B3GALT1: variants seen among roughly 807,000 people sequenced by gnomAD.
B3GALT1 encodes beta-1,3-galactosyltransferase 1, also known as UDP-Gal:betaGlcNAc beta 1,3-galactosyltransferase, polypeptide 1.
A neutral mutation model predicts 23.2 loss-of-function variants in B3GALT1; 10 were observed. The ratio of observed to expected loss-of-function variants is 0.43; its 90% CI spans 0.27 to 0.73. The LOEUF (loss-of-function observed/expected upper bound fraction) is 0.73. Ranked by LOEUF, B3GALT1 falls within the 30% of genes least tolerant of loss-of-function variation. The probability of loss-of-function intolerance (pLI) is 0.21; values close to 1 mark genes in which losing one functional copy is unlikely to be tolerated. For synonymous variants in B3GALT1, 156 were observed against 141.5 expected (o/e 1.10, Z -0.73); for missense variants, 299 against 405.4 (o/e 0.74, Z 2.25).
At chr2:167,557,148 T>C (rs1438957641) in intron 2 of B3GALT1, among the ~76,000 whole-genome samples, 1 of 152,210 alleles carries the variant, frequency 6.6e-6, no homozygotes, top group Admixed American at 6.5e-5. Flanking sequence ...TTAGTCTTTT[T>C]TTTTTTAATT....
intron 2 of B3GALT1, among the ~76,000 whole-genome samples, chr2:167,533,042 G>T (rs1439099173): frequency 6.6e-6 from 1 of 150,740 alleles, no homozygotes; most frequent in Non-Finnish European, 1.5e-5. Flanking sequence ...TGTATTTTTA[G>T]TAGAGACGGG....
intron 3 of B3GALT1, among the ~76,000 whole-genome samples, chr2:167,764,774 A>G (rs143098104): frequency 1.8e-4 from 27 of 152,326 alleles, no homozygotes; most frequent in Middle Eastern, 3.4e-3. Context: ...CTTCGGCCAC[A>G]GAACTATTAG....
At chr2:167,440,754 C>G (rs1419758345) in intron 1 of B3GALT1, among the ~76,000 whole-genome samples, 1 of 151,934 alleles carries the variant, frequency 6.6e-6, no homozygotes, top group Non-Finnish European at 1.5e-5. Context: ...TATTTGATCT[C>G]TAAAATTGAC....
chr2:167,343,303 A>G (rs1373247013), intron 1 of B3GALT1, among the ~76,000 whole-genome samples: 1 of 152,212 alleles, frequency 6.6e-6, no homozygotes, highest in Admixed American at 6.5e-5. Flanking sequence ...AATTTTAGGA[A>G]GATGTTTATT....
chr2:167,841,138 C>T (rs1401064496), intron 4 of B3GALT1, among the ~76,000 whole-genome samples: 1 of 149,980 alleles, frequency 6.7e-6, no homozygotes, highest in African/African-American at 2.5e-5. Context: ...AACTAACCTG[C>T]ACATTGTGCA....
chr2:167,472,779 A>G (rs965240661), intron 1 of B3GALT1, among the ~76,000 whole-genome samples: 1 of 152,070 alleles, frequency 6.6e-6, no homozygotes, highest in Non-Finnish European at 1.5e-5. Context: ...ATTTGGCAGT[A>G]TCTAAGGAGC....
At chr2:167,640,705 A>G (rs1353341706) in intron 2 of B3GALT1, among the ~76,000 whole-genome samples, 1 of 152,144 alleles carries the variant, frequency 6.6e-6, no homozygotes, top group East Asian at 1.9e-4. Context: ...ACTCTAAAAA[A>G]TGAGGCATAT....
At chr2:167,423,637 C>T (rs1264209450) in intron 1 of B3GALT1, among the ~76,000 whole-genome samples, 1 of 152,118 alleles carries the variant, frequency 6.6e-6, no homozygotes, top group Non-Finnish European at 1.5e-5. Flanking sequence ...TTGTTCTTTG[C>T]AGCAATTAGT....
At chr2:167,519,811 C>T (rs944290491) in intron 2 of B3GALT1, among the ~76,000 whole-genome samples, 1 of 152,106 alleles carries the variant, frequency 6.6e-6, no homozygotes, top group Admixed American at 6.6e-5. Flanking sequence ...GTGGCTCACA[C>T]CTGTAATCCC....
At chr2:167,405,234 C>T (rs578074264) in intron 1 of B3GALT1, among the ~76,000 whole-genome samples, 61 of 152,118 alleles carry the variant, frequency 4.0e-4, no homozygotes, top group African/African-American at 1.3e-3. Flanking sequence ...AAGTAGCTGT[C>T]AATCACATCA....
intron 1 of B3GALT1, among the ~76,000 whole-genome samples, chr2:167,489,541 C>T (rs768729520): frequency 2.6e-5 from 4 of 152,098 alleles, no homozygotes; most frequent in African/African-American, 9.7e-5. Context: ...ATTTTCCTTG[C>T]GAGTTCCAGA....
intron 2 of B3GALT1, among the ~76,000 whole-genome samples, chr2:167,591,779 G>C (rs958497739): frequency 6.6e-6 from 1 of 151,966 alleles, no homozygotes. Context: ...GGCCTGACCT[G>C]TTTTTGTTGT....
chr2:167,323,763 T>C (rs1316340779), intron 1 of B3GALT1, among the ~76,000 whole-genome samples: 1 of 150,778 alleles, frequency 6.6e-6, no homozygotes, highest in African/African-American at 2.4e-5. Flanking sequence ...AGAATAATTA[T>C]ATTTATCCTA....
chr2:167,737,188 G>A (rs897529192), intron 3 of B3GALT1, among the ~76,000 whole-genome samples: 8 of 152,168 alleles, frequency 5.3e-5, no homozygotes, highest in African/African-American at 1.2e-4. Context: ...TTGAATATTC[G>A]CCAGGCATCA....
At chr2:167,495,676 T>G (rs1699774123) in intron 2 of B3GALT1, among the ~76,000 whole-genome samples, 1 of 152,106 alleles carries the variant, frequency 6.6e-6, no homozygotes, top group South Asian at 2.1e-4. Flanking sequence ...CCTATACCCC[T>G]TCCCCAGAGT....
intron 2 of B3GALT1, among the ~76,000 whole-genome samples, chr2:167,493,060 G>C (rs1445284120): frequency 6.6e-6 from 1 of 152,158 alleles, no homozygotes; most frequent in Non-Finnish European, 1.5e-5. Context: ...CATGTTTGAT[G>C]CTGTTCAAAG....
At chr2:167,608,343 G>A (rs1014373669) in intron 2 of B3GALT1, among the ~76,000 whole-genome samples, 3 of 152,110 alleles carry the variant, frequency 2.0e-5, no homozygotes, top group Admixed American at 6.6e-5. Flanking sequence ...ATATTCATCT[G>A]ACGTATTTGG....
intron 2 of B3GALT1, among the ~76,000 whole-genome samples, chr2:167,540,578 G>A (rs139981462): frequency 1.3e-5 from 2 of 152,204 alleles, no homozygotes; most frequent in Admixed American, 1.3e-4. Flanking sequence ...CAAAAACCTG[G>A]TGCTTACTTT....
At chr2:167,753,608 G>A (rs1405676868) in intron 3 of B3GALT1, among the ~76,000 whole-genome samples, 3 of 152,088 alleles carry the variant, frequency 2.0e-5, no homozygotes, top group African/African-American at 4.8e-5. Context: ...CTCCCTGCCC[G>A]TGAACATGTG....
Sources: gnomAD v4.1 joint callset for allele counts (sites outside exome capture counted in the v4.1 genomes callset) on GRCh38, gnomAD v4.1.1 for gene constraint, MANE v1.5 for transcripts, NCBI Gene and HGNC (gene_info 2026-07-23, HGNC 2026-07-21) for gene names.